ITGB3: variants seen among roughly 807,000 people sequenced by gnomAD.
ITGB3 encodes the protein integrin subunit beta 3, also known as integrin beta-3.
Under a neutral mutation model 85.8 loss-of-function variants are expected in ITGB3, and 48 were observed. The observed-to-expected ratio is 0.56, with a 90% CI of 0.44 to 0.71. The LOEUF is 0.71. Ranked by LOEUF, ITGB3 falls within the 30% of genes least tolerant of loss-of-function variation. The pLI is 0.00. For missense variants in ITGB3, 861 were observed against 1,019.1 expected, an observed-to-expected ratio of 0.84 and a Z score of 2.11; for synonymous variants, 363 against 395.6, an observed-to-expected ratio of 0.92 and a Z score of 0.98.
chr17:47,293,246 T>C (rs1021343994), intron 10 of ITGB3, among the ~76,000 whole-genome samples: 1 of 152,210 alleles, frequency 6.6e-6, no homozygotes, highest in South Asian at 2.1e-4. Context: ...AGCAGGGTAC[T>C]GAGTTGTCCT....
intron 10 of ITGB3, among the ~76,000 whole-genome samples, chr17:47,295,879 G>A (rs1175936121): frequency 6.6e-6 from 1 of 152,218 alleles, no homozygotes; most frequent in African/African-American, 2.4e-5. Context: ...ACTGCCCTCG[G>A]CTGACAGGAG....
chr17:47,305,270 C>T (rs2065183249), intron 13 of ITGB3, among the ~76,000 whole-genome samples: 1 of 152,176 alleles, frequency 6.6e-6, no homozygotes, highest in African/African-American at 2.4e-5. Flanking sequence ...AACCTCACAG[C>T]CTCTCTCCAG....
chr17:47,287,457 C>T (rs954706324), intron 6 of ITGB3, among the ~76,000 whole-genome samples: 1 of 152,222 alleles, frequency 6.6e-6, no homozygotes, highest in African/African-American at 2.4e-5. Context: ...ACTGCCTTCA[C>T]TGTCACCAGC....
At position 47,312,476 on chromosome 17, in the gene ITGB3, A is replaced by G. The variant is rs575144027; in HGVS notation, c.*2272A>G. Among the ~76,000 whole-genome samples, 3 of 152,314 alleles carry G rather than the reference A, an allele frequency of 2.0e-5. No homozygotes were observed. Among genetic ancestry groups the G allele is most frequent in the African/African-American group, 7.2e-5 (3 of 41,582 alleles). On this transcript the variant is annotated 3_prime_UTR_variant, in exon 15 of 15. Transcript: ENST00000559488. Reference sequence around the variant, plus strand: ...TGGCAGGGAACAGGTGTGGAAGCTCATGCCTGTAATTATAACCTTCAGCTA... The same window carrying G: ...TGGCAGGGAACAGGTGTGGAAGCTCGTGCCTGTAATTATAACCTTCAGCTA...
intron 9 of ITGB3, chr17:47,291,393 C>T (rs890391345): frequency 3.9e-5 from 22 of 565,538 alleles, no homozygotes; most frequent in African/African-American, 3.0e-4. Context: ...TATTTCTTTA[C>T]CTTCAGTCCC....
At position 47,287,911 on chromosome 17, in the gene ITGB3, C is replaced by CTTTTT. The variant is rs60463106; in HGVS notation, c.939+708_939+712dup. 3.2e-3 allele frequency among the ~76,000 whole-genome samples: 179 copies of CTTTTT among 55,396 alleles called. 8 individuals carry two copies. Among genetic ancestry groups the CTTTTT allele is most frequent in the Non-Finnish European group, 3.8e-3 (119 of 31,698 alleles). 36.3% of individuals were successfully genotyped at this position (55,396 alleles called of 152,430 possible). A position where few individuals can be genotyped will look rare whatever the true frequency, so the allele number is the denominator to read the frequency against. On this transcript the variant is annotated intron_variant, in intron 6 of 14. Coordinates refer to ENST00000559488, the MANE Select transcript of ITGB3 (RefSeq NM_000212.3). Reference sequence around the variant, plus strand: ...AGTGACAGAGCAAGAACCACCCCTGCTTTTTTTTTTTTTTTTTTTTTTTTT... The same window carrying CTTTTT: ...AGTGACAGAGCAAGAACCACCCCTGCTTTTTTTTTTTTTTTTTTTTTTTTTTTTTT...
intron 1 of ITGB3, among the ~76,000 whole-genome samples, chr17:47,269,123 A>G (rs11656865): frequency 0.28 from 43,033 of 152,030 alleles, 6,395 homozygotes; most frequent in African/African-American, 0.34. Context: ...CCAAGTTCCT[A>G]GGCTGCACAT....
At chr17:47,274,600 C>G in intron 2 of ITGB3, 96 bp downstream of exon 2, 1 of 1,028,790 alleles carries the variant, frequency 9.7e-7, no homozygotes, top group South Asian at 1.3e-5. Context: ...CTTGAATACA[C>G]ATGCCCCTTA....
intron 1 of ITGB3, 33 bp downstream of exon 1, chr17:47,253,973 C>A (rs759745866): frequency 6.8e-6 from 9 of 1,331,352 alleles, no homozygotes; most frequent in Non-Finnish European, 7.9e-6. Flanking sequence ...AGCGTCGCAG[C>A]TGCCCCAGGA....
intron 2 of ITGB3, among the ~76,000 whole-genome samples, chr17:47,275,348 G>A (rs2065059668): frequency 1.3e-5 from 2 of 152,022 alleles, no homozygotes; most frequent in African/African-American, 4.8e-5. Flanking sequence ...TGAGGGAATG[G>A]CTATGTTTGT....
intron 1 of ITGB3, among the ~76,000 whole-genome samples, chr17:47,264,509 C>T (rs1247571600): frequency 6.6e-6 from 1 of 152,202 alleles, no homozygotes; most frequent in East Asian, 1.9e-4. Flanking sequence ...TTCTGTCTTG[C>T]ACTCAGCAGC....
At chr17:47,292,048 G>A in intron 9 of ITGB3, 91 bp from the exon 10 acceptor site, 2 of 1,351,482 alleles carry the variant, frequency 1.5e-6, no homozygotes, top group Non-Finnish European at 2.1e-6. Flanking sequence ...GGTATTCCTT[G>A]GCAGGGCAGG....
chr17:47,286,373 A>G lies in ITGB3; in HGVS notation c.728A>G (p.Asp243Gly). Residue 243 changes from aspartate to glycine, a missense_variant, in exon 5 of 15, where the codon GAT (aspartate) becomes GGT (glycine). Transcript: ENST00000559488. ...AAGCAGAGTGTGTCACGGAACCGAG[A>G]TGCCCCAGAGGGTGGCTTTGATGCC... ...VKKQSVSRNR[D>G]APEGGFDAIM... 6.2e-7 allele frequency: 1 copy of G among 1,614,226 alleles called. No individual in the cohort carries two copies. Among genetic ancestry groups the G allele is most frequent in the Non-Finnish European group, 8.5e-7 (1 of 1,180,036 alleles).
Position 47,283,359 on chromosome 17 carries a change from G to A in ITGB3, c.171G>A (p.Leu57=), listed in dbSNP as rs530762040. The change falls in exon 3 of 15, where the codon CTG becomes CTA. Residue 57 remains leucine, a synonymous_variant. Transcript: ENST00000559488. ...TTTGGGCTCCTGTCTTACAGGCCCT[G>A]CCTCTGGGCTCACCTCGCTGTGACC... ...PMCAWCSDEA[L]PLGSPRCDLK... 4 of 1,614,254 alleles carry A rather than the reference G, an allele frequency of 2.5e-6. No homozygotes were observed. In the African/African-American group the frequency reaches 5.3e-5, roughly 22 times the overall value.
intron 2 of ITGB3, among the ~76,000 whole-genome samples, chr17:47,283,074 T>G (rs113911670): frequency 1.5e-5 from 2 of 129,532 alleles, no homozygotes; most frequent in Non-Finnish European, 3.4e-5. Flanking sequence ...TTCTTTTTCC[T>G]TTTTTTTTTT....
At chr17:47,288,692 A>G (rs1359533451) in intron 6 of ITGB3, among the ~76,000 whole-genome samples, 1 of 152,314 alleles carries the variant, frequency 6.6e-6, no homozygotes, top group African/African-American at 2.4e-5. Context: ...ATCCAAGTCA[A>G]GCACTACCAG....
At chr17:47,254,387 C>CGT in intron 1 of ITGB3, among the ~76,000 whole-genome samples, 1 of 152,256 alleles carries the variant, frequency 6.6e-6, no homozygotes, top group African/African-American at 2.4e-5. Context: ...TGGGTGAGAG[C>CGT]GTGCGCGCGC....
At chr17:47,273,915 G>A (rs1475612598) in intron 1 of ITGB3, among the ~76,000 whole-genome samples, 1 of 152,108 alleles carries the variant, frequency 6.6e-6, no homozygotes, top group African/African-American at 2.4e-5. Context: ...CCAGTCAGTG[G>A]GACACTGCCA....
At chr17:47,305,263 C>T (rs772595533) in intron 13 of ITGB3, among the ~76,000 whole-genome samples, 1 of 152,174 alleles carries the variant, frequency 6.6e-6, no homozygotes, top group East Asian at 1.9e-4. Flanking sequence ...ACACTGGAAC[C>T]TCACAGCCTC....
Sources: gnomAD v4.1 joint callset for allele counts (sites outside exome capture counted in the v4.1 genomes callset) on GRCh38, gnomAD v4.1.1 for gene constraint, MANE v1.5 for transcripts, NCBI Gene and HGNC (gene_info 2026-07-23, HGNC 2026-07-21) for gene names.